The following FAAH2 variants were observed in gnomAD, a reference collection of about 807,000 sequenced individuals.
The protein encoded by FAAH2 is fatty acid amide hydrolase 2.
FAAH2 carries 60 observed loss-of-function variants against 36.9 expected under a neutral mutation model. That is an observed-to-expected ratio of 1.63 (90% confidence interval 1.32 to 2.02). The LOEUF is 2.02. FAAH2 is among the 30% of genes most tolerant of loss of function. FAAH2 has a pLI of 0.00. For missense variants in FAAH2, 689 were observed against 397.5 expected, an observed-to-expected ratio of 1.73 and a Z score of -6.23; for synonymous variants, 214 against 143.8, an observed-to-expected ratio of 1.49 and a Z score of -3.49.
the FAAH2 span, among the ~76,000 whole-genome samples, chrX:57,146,008 T>C: frequency 1.8e-5 from 2 of 110,526 alleles, no homozygotes; most frequent in African/African-American, 6.6e-5. Context: ...TCCAAATTTT[T>C]TTTTTTCTTT....
intron 2 of FAAH2, among the ~76,000 whole-genome samples, chrX:57,299,078 T>C (rs1042075481): frequency 3.6e-5 from 4 of 110,945 alleles, no homozygotes; most frequent in Non-Finnish European, 5.7e-5. Flanking sequence ...AATAGAAAAA[T>C]AGGGAATCCT....
chrX:57,320,638 A>G (rs2052993466), intron 3 of FAAH2, among the ~76,000 whole-genome samples: 1 of 112,616 alleles, frequency 8.9e-6, no homozygotes, highest in South Asian at 3.6e-4. Flanking sequence ...AGAACTAGAA[A>G]TACCATTTGA....
At chrX:57,285,739 A>G (rs2051800417), upstream of FAAH2, among the ~76,000 whole-genome samples, 1 of 112,058 alleles carries the variant, frequency 8.9e-6, no homozygotes, top group Non-Finnish European at 1.9e-5. Flanking sequence ...AGTTTTTCAG[A>G]CACCAGTCAT....
At chrX:57,238,504 G>A in the FAAH2 span, among the ~76,000 whole-genome samples, 2 of 111,077 alleles carry the variant, frequency 1.8e-5, no homozygotes, top group African/African-American at 3.3e-5. Flanking sequence ...AGGGGGAGAG[G>A]ATCAGGAAAA....
intron 2 of FAAH2, among the ~76,000 whole-genome samples, chrX:57,299,835 A>T (rs1268622680): frequency 8.9e-6 from 1 of 111,987 alleles, no homozygotes; most frequent in Non-Finnish European, 1.9e-5. Context: ...GAGCCAAATC[A>T]TAAGTGAACT....
intron 7 of FAAH2, among the ~76,000 whole-genome samples, chrX:57,383,673 A>T (rs1282388509): frequency 1.8e-5 from 2 of 111,998 alleles, no homozygotes; most frequent in African/African-American, 3.2e-5. Context: ...GAAATAAAAG[A>T]GGATACAAAC....
At chrX:57,166,153 G>T in the FAAH2 span, among the ~76,000 whole-genome samples, 2 of 109,235 alleles carry the variant, frequency 1.8e-5, no homozygotes, top group Non-Finnish European at 3.8e-5. Context: ...CCTCTGAGCG[G>T]CCTGACCCCA....
chrX:57,428,690 C>T (rs1040341840), intron 7 of FAAH2, among the ~76,000 whole-genome samples: 1 of 111,867 alleles, frequency 8.9e-6, no homozygotes, highest in Admixed American at 9.5e-5. Flanking sequence ...TGGCCATACA[C>T]AGAAGAATAA....
At chrX:57,270,671 G>A in the FAAH2 span, among the ~76,000 whole-genome samples, 1 of 111,682 alleles carries the variant, frequency 9.0e-6, no homozygotes, top group Non-Finnish European at 1.9e-5. Flanking sequence ...AGTGGGTGCA[G>A]CCCACGGAGG....
At chrX:57,484,851 T>A (rs1208426407) in intron 10 of FAAH2, among the ~76,000 whole-genome samples, 1 of 110,732 alleles carries the variant, frequency 9.0e-6, no homozygotes, top group Admixed American at 9.6e-5. Context: ...TGGATGACAT[T>A]TACGAGTCCT....
intron 2 of FAAH2, among the ~76,000 whole-genome samples, chrX:57,293,198 G>A (rs910447521): frequency 3.6e-5 from 4 of 111,046 alleles, no homozygotes; most frequent in East Asian, 2.8e-4. Flanking sequence ...TTGTTTGCAC[G>A]TCAGCTTTGT....
At chrX:57,349,114 G>A (rs1403176107) in intron 5 of FAAH2, among the ~76,000 whole-genome samples, 7 of 91,672 alleles carry the variant, frequency 7.6e-5, no homozygotes, top group African/African-American at 1.6e-4. Context: ...ATGTATATGT[G>A]TATAATATAT....
chrX:57,322,656 C>T (rs1023912958), intron 3 of FAAH2, among the ~76,000 whole-genome samples: 1 of 110,940 alleles, frequency 9.0e-6, no homozygotes, highest in Non-Finnish European at 1.9e-5. Flanking sequence ...GATTCGGTCT[C>T]TTTATGTTAT....
the FAAH2 span, among the ~76,000 whole-genome samples, chrX:57,232,309 A>T: frequency 1.8e-5 from 2 of 111,780 alleles, no homozygotes; most frequent in African/African-American, 6.5e-5. Context: ...GACAAAATTC[A>T]GAAAATGGTG....
At chrX:57,471,532 CA>C (rs1451279064) in intron 10 of FAAH2, among the ~76,000 whole-genome samples, 1 of 111,619 alleles carries the variant, frequency 9.0e-6, no homozygotes, top group Non-Finnish European at 1.9e-5. Flanking sequence ...ATCCAACTTA[CA>C]AGGGATGTGA....
chrX:57,432,446 G>C (rs2056324100), intron 8 of FAAH2, among the ~76,000 whole-genome samples: 1 of 111,675 alleles, frequency 9.0e-6, no homozygotes, highest in South Asian at 3.7e-4. Context: ...TTTCAATAAA[G>C]CCTTAAGTGA....
the FAAH2 span, among the ~76,000 whole-genome samples, chrX:57,219,698 G>A: frequency 9.2e-6 from 1 of 108,841 alleles, no homozygotes; most frequent in Non-Finnish European, 1.9e-5. Flanking sequence ...TTCTCCCTCC[G>A]GCTGTCCAGG....
chrX:57,225,813 A>T, the FAAH2 span, among the ~76,000 whole-genome samples: 1 of 111,657 alleles, frequency 9.0e-6, no homozygotes, highest in Admixed American at 9.5e-5. Context: ...TAAATTTGGG[A>T]TCTCTAGTCT....
chrX:57,276,637 C>T, the FAAH2 span, among the ~76,000 whole-genome samples: 1 of 111,074 alleles, frequency 9.0e-6, no homozygotes, highest in African/African-American at 3.3e-5. Context: ...AATCCAGGAG[C>T]TGGGTTTATG....
Sources: gnomAD v4.1 joint callset for allele counts (sites outside exome capture counted in the v4.1 genomes callset) on GRCh38, gnomAD v4.1.1 for gene constraint, MANE v1.5 for transcripts, NCBI Gene and HGNC (gene_info 2026-07-23, HGNC 2026-07-21) for gene names.